The following NXPE2 variants were observed in gnomAD, a reference collection of about 807,000 sequenced individuals.
NXPE2 encodes the protein neurexophilin and PC-esterase domain family member 2, also known as NXPE family member 2.
Under a neutral mutation model 34.4 loss-of-function variants are expected in NXPE2, and 34 were observed. The observed-to-expected ratio is 0.99, with a 90% confidence interval of 0.75 to 1.31. NXPE2 has a LOEUF of 1.31. Among genes scored for constraint, NXPE2 ranks in the 40% most tolerant of loss-of-function variants. NXPE2 has a pLI of 0.00. For synonymous variants in NXPE2, 235 were observed against 231.3 expected, an observed-to-expected ratio of 1.02 and a Z score of -0.15; for missense variants, 649 against 672.5, an observed-to-expected ratio of 0.97 and a Z score of 0.39.
the NXPE2 span, among the ~76,000 whole-genome samples, chr11:114,626,100 G>A: frequency 2.0e-5 from 3 of 152,136 alleles, no homozygotes; most frequent in Non-Finnish European, 4.4e-5. Flanking sequence ...GGCTGGGAGA[G>A]GGGCGCCCGC....
the NXPE2 span, among the ~76,000 whole-genome samples, chr11:114,782,557 C>G: frequency 1.3e-5 from 2 of 152,186 alleles, no homozygotes; most frequent in Admixed American, 1.3e-4. Context: ...ATGAAGACTC[C>G]AGGAGAGATT....
chr11:114,566,338 G>T, the NXPE2 span, among the ~76,000 whole-genome samples: 1 of 152,198 alleles, frequency 6.6e-6, no homozygotes, highest in Non-Finnish European at 1.5e-5. Flanking sequence ...GCTGAGTGGG[G>T]ATTGGCAAAG....
chr11:114,806,419 C>A, the NXPE2 span, among the ~76,000 whole-genome samples: 1 of 137,028 alleles, frequency 7.3e-6, no homozygotes, highest in Non-Finnish European at 1.6e-5. Context: ...GAAATTCGAA[C>A]CAATGGCAAA....
At chr11:114,784,750 C>T in the NXPE2 span, among the ~76,000 whole-genome samples, 1 of 152,112 alleles carries the variant, frequency 6.6e-6, no homozygotes, top group Non-Finnish European at 1.5e-5. Flanking sequence ...CAGAAGATTC[C>T]TCTGAGGCAA....
chr11:114,628,484 C>A, the NXPE2 span, among the ~76,000 whole-genome samples: 1 of 151,882 alleles, frequency 6.6e-6, no homozygotes, highest in African/African-American at 2.4e-5. Context: ...AGAACAAAGA[C>A]ACAACGTACC....
chr11:114,743,884 T>A, the NXPE2 span, among the ~76,000 whole-genome samples: 1 of 151,324 alleles, frequency 6.6e-6, no homozygotes, highest in Non-Finnish European at 1.5e-5. Context: ...TGTGTACATG[T>A]GTATATATAC....
the NXPE2 span, among the ~76,000 whole-genome samples, chr11:114,508,153 A>G: frequency 6.6e-6 from 1 of 152,194 alleles, no homozygotes; most frequent in South Asian, 2.1e-4. Context: ...AACTGCCACA[A>G]AAAGAATAAA....
chr11:114,528,888 A>G, the NXPE2 span: 1 of 607,102 alleles, frequency 1.6e-6, no homozygotes, highest in South Asian at 1.9e-5. Flanking sequence ...AGGCATAAGG[A>G]TGGTTGATGG....
chr11:114,608,341 G>A, the NXPE2 span, among the ~76,000 whole-genome samples: 1 of 151,632 alleles, frequency 6.6e-6, no homozygotes, highest in Non-Finnish European at 1.5e-5. Context: ...GATAATAAGT[G>A]TTGCCACGTG....
the NXPE2 span, among the ~76,000 whole-genome samples, chr11:114,542,143 A>G: frequency 3.0e-3 from 455 of 152,280 alleles, 3 homozygotes; most frequent in African/African-American, 0.011. Context: ...CTTATGTAGC[A>G]TCTCACTTTA....
chr11:114,594,914 C>T, the NXPE2 span: 9 of 557,892 alleles, frequency 1.6e-5, no homozygotes, highest in African/African-American at 5.7e-5. Context: ...CCTTCACCCC[C>T]GCAAGCTGTA....
chr11:114,674,592 T>A (rs1950836763), upstream of NXPE2, among the ~76,000 whole-genome samples: 1 of 147,120 alleles, frequency 6.8e-6, no homozygotes, highest in African/African-American at 2.5e-5. Context: ...AAAAATCAAA[T>A]CACAAAAGAA....
intron 2 of NXPE2, among the ~76,000 whole-genome samples, chr11:114,686,888 AT>A (rs951258949): frequency 3.9e-4 from 60 of 151,922 alleles, no homozygotes; most frequent in African/African-American, 1.4e-3. Flanking sequence ...AGCATTTCTT[AT>A]GTTTGTTGGC....
At chr11:114,773,860 C>T in the NXPE2 span, among the ~76,000 whole-genome samples, 1 of 152,224 alleles carries the variant, frequency 6.6e-6, no homozygotes, top group South Asian at 2.1e-4. Flanking sequence ...GAAACTTACA[C>T]CATTCACTCT....
At chr11:114,578,267 T>G in the NXPE2 span, among the ~76,000 whole-genome samples, 6 of 152,192 alleles carry the variant, frequency 3.9e-5, no homozygotes, top group African/African-American at 1.4e-4. Flanking sequence ...GCTTCCAACT[T>G]ACTTCAGTTT....
the NXPE2 span, among the ~76,000 whole-genome samples, chr11:114,767,874 C>G: frequency 6.6e-6 from 1 of 152,168 alleles, no homozygotes; most frequent in Non-Finnish European, 1.5e-5. Context: ...ACAGCTTAGA[C>G]AGACTTGGGT....
chr11:114,581,763 A>G, the NXPE2 span: 3 of 1,611,396 alleles, frequency 1.9e-6, no homozygotes, highest in Admixed American at 3.4e-5. Flanking sequence ...GAATTTTTCC[A>G]TAATCTCTAC....
chr11:114,767,500 A>G, the NXPE2 span, among the ~76,000 whole-genome samples: 2 of 152,182 alleles, frequency 1.3e-5, no homozygotes, highest in East Asian at 3.8e-4. Context: ...CAAATAATTT[A>G]TTGCATGGCA....
At chr11:114,775,999 A>T in the NXPE2 span, among the ~76,000 whole-genome samples, 763 of 152,200 alleles carry the variant, frequency 5.0e-3, 5 homozygotes, top group African/African-American at 0.016. Flanking sequence ...GCACAGTGCC[A>T]CTCACAAGGC....
Sources: gnomAD v4.1 joint callset for allele counts (sites outside exome capture counted in the v4.1 genomes callset) on GRCh38, gnomAD v4.1.1 for gene constraint, MANE v1.5 for transcripts, NCBI Gene and HGNC (gene_info 2026-07-23, HGNC 2026-07-21) for gene names.